DLG5: variants seen among roughly 807,000 people sequenced by gnomAD.
DLG5 encodes the protein disks large homolog 5.
A neutral mutation model predicts 189.8 loss-of-function variants in DLG5; 48 were observed. That is an observed-to-expected ratio of 0.25 (90% CI 0.20 to 0.32). The LOEUF (loss-of-function observed/expected upper bound fraction) is 0.32. Ranked by LOEUF, DLG5 falls within the 10% of genes least tolerant of loss-of-function variation. The pLI is 1.00. For synonymous variants in DLG5, 1,016 were observed against 1,054.1 expected, an observed-to-expected ratio of 0.96 and a Z score of 0.70; for missense variants, 2,160 against 2,544.7, an observed-to-expected ratio of 0.85 and a Z score of 3.25.
intron 1 of DLG5, among the ~76,000 whole-genome samples, chr10:77,895,894 A>G (rs1194213960): frequency 6.6e-6 from 1 of 152,214 alleles, no homozygotes; most frequent in Non-Finnish European, 1.5e-5. Flanking sequence ...GTTATTTGAC[A>G]TAAAACAGAG....
In DLG5 at chr10:77,825,719, C is replaced by A. The variant is rs182166307; in HGVS notation, c.2290-1243G>T. On this transcript the variant is annotated intron_variant, in intron 13 of 31. Coordinates refer to ENST00000372391, the MANE Select transcript of DLG5 (RefSeq NM_004747.4). ...TACAGATGTATGCCTCCATGCCCGG[C>A]TAATATTTTTGTATTTTAGTAGAGA... Among the ~76,000 whole-genome samples, 4 of 152,050 alleles carry A rather than the reference C, an allele frequency of 2.6e-5. No homozygotes were observed. In the East Asian group the frequency reaches 7.8e-4, roughly 29 times the overall value.
the DLG5 span, among the ~76,000 whole-genome samples, chr10:77,938,746 G>A: frequency 6.6e-6 from 1 of 152,194 alleles, no homozygotes; most frequent in African/African-American, 2.4e-5. Flanking sequence ...AGCATCATGA[G>A]CAGCTCCATC....
Position 77,857,512 on chromosome 10 carries a change from A to C in DLG5, c.374-620T>G, listed in dbSNP as rs946231642. ...GCTAAGAGGAGGGCTGCTGGCTCCC[A>C]GCTGAGGTCAGTGTGACGCAATTCA... On this transcript the variant is annotated intron_variant, in intron 2 of 31. Transcript: ENST00000372391. 3.3e-5 allele frequency among the ~76,000 whole-genome samples: 5 copies of C among 152,210 alleles called. No homozygotes were observed. In the South Asian group the frequency reaches 8.3e-4, roughly 25 times the overall value.
At chr10:77,927,653 T>C (rs1564602975), upstream of DLG5, 1 of 152,194 alleles carries the variant, frequency 6.6e-6, no homozygotes, top group Non-Finnish European at 1.5e-5. Context: ...CCTTGGTCTT[T>C]CTGGCAAGTG....
chr10:77,850,588 T>C (rs1435267912), intron 5 of DLG5, among the ~76,000 whole-genome samples: 2 of 152,182 alleles, frequency 1.3e-5, no homozygotes, highest in African/African-American at 2.4e-5. Flanking sequence ...GTTTAGTTTT[T>C]TGAGGAATCA....
chr10:77,917,823 T>TC (rs1296240908), intron 1 of DLG5, among the ~76,000 whole-genome samples: 4 of 151,430 alleles, frequency 2.6e-5, no homozygotes, highest in Non-Finnish European at 5.9e-5. Context: ...GGTACGGAGT[T>TC]CGAGACCAGC....
intron 9 of DLG5, among the ~76,000 whole-genome samples, chr10:77,832,516 C>G (rs944722620): frequency 1.3e-5 from 2 of 152,212 alleles, no homozygotes; most frequent in African/African-American, 4.8e-5. Context: ...CCAACACTGC[C>G]CCAGCCCCTC....
At chr10:77,891,624 A>G (rs1845612202) in intron 1 of DLG5, among the ~76,000 whole-genome samples, 1 of 151,212 alleles carries the variant, frequency 6.6e-6, no homozygotes, top group Non-Finnish European at 1.5e-5. Flanking sequence ...ACGAGAAGAA[A>G]GCAACAATTC....
Position 77,822,086 on chromosome 10 carries a change from A to C in DLG5, c.2398T>G (p.Ser800Ala). Residue 800 changes from serine to alanine, a missense_variant, in exon 15 of 32, where the codon TCC becomes GCC. Around this residue, in one of 5 missense-constraint regions of DLG5, gnomAD observed 754 missense variants for 746.5 expected, o/e 1.01. Coordinates refer to ENST00000372391, the MANE Select transcript of DLG5 (RefSeq NM_004747.4). Reference sequence around the variant, plus strand: ...AAAATGTTCTGGCCACTCCACGAGGAGCTCTGAGGGAATACCTAGGCAGGG... The same window carrying C: ...AAAATGTTCTGGCCACTCCACGAGGCGCTCTGAGGGAATACCTAGGCAGGG... ...LSLLKVFPQS[S>A]SWSGQNIFEN... The C allele has an allele frequency of 6.2e-7, 1 of 1,612,870 alleles. No individual in the cohort carries two copies. The highest frequency in any genetic ancestry group is 8.5e-7 in the Non-Finnish European group (1 of 1,179,274).
Position 77,794,064 on chromosome 10 carries a change from T to C in DLG5, c.5600A>G (p.Lys1867Arg). ...LRDKVTQRHS[K>R]EQFEAAQKLE... Reference sequence around the variant, plus strand: ...CTTCTGCGCCGCCTCAAACTGCTCTTTGGAATGCCTCTGAGTCACCTTGTC... The same window carrying C: ...CTTCTGCGCCGCCTCAAACTGCTCTCTGGAATGCCTCTGAGTCACCTTGTC... The change falls in exon 31 of 32, where the codon AAA becomes AGA. Residue 1867 changes from lysine to arginine, a missense_variant. Transcript: ENST00000372391. The C allele has an allele frequency of 1.9e-6, 3 of 1,614,168 alleles. No individual in the cohort carries two copies. Among genetic ancestry groups the C allele is most frequent in the Non-Finnish European group, 2.5e-6 (3 of 1,180,014 alleles).
At chr10:77,919,964 C>G (rs1321522415) in intron 1 of DLG5, among the ~76,000 whole-genome samples, 1 of 152,332 alleles carries the variant, frequency 6.6e-6, no homozygotes, top group African/African-American at 2.4e-5. Flanking sequence ...TCACTCTACA[C>G]ACAGCTGACT....
chr10:77,914,390 C>T (rs748850190), intron 1 of DLG5, among the ~76,000 whole-genome samples: 49 of 152,094 alleles, frequency 3.2e-4, no homozygotes, highest in Non-Finnish European at 6.5e-4. Flanking sequence ...CAGCAGCTTG[C>T]TCCTGTCTCA....
rs375600626 is a variant in DLG5, at chr10:77,821,757, G to C, written c.2727C>G (p.Asp909Glu). The C allele has an allele frequency of 6.2e-7, 1 of 1,609,238 alleles. No individual in the cohort carries two copies. The highest frequency in any genetic ancestry group is 1.1e-5 in the South Asian group (1 of 90,740). The change falls in exon 15 of 32, where the codon GAC becomes GAG. Residue 909 changes from aspartate to glutamate, a missense_variant. By Grantham distance (45) the Asp-to-Glu change is conservative. Transcript: ENST00000372391. ...GCAGCAGTGGCCGCCGGCCACGCACGTCCACCAGCCCAAAGCCACGGTCCC... is the reference window on the plus strand; with the variant it reads ...GCAGCAGTGGCCGCCGGCCACGCACCTCCACCAGCCCAAAGCCACGGTCCC... ...ASGDRGFGLV[D>E]VRGRRPLLPF...
chr10:77,794,823 C>T (rs200468031), intron 30 of DLG5, 26 bp downstream of exon 30: 82 of 1,585,674 alleles, frequency 5.2e-5, no homozygotes, highest in South Asian at 2.9e-4. Flanking sequence ...AAGGCCCCAG[C>T]GGAGCCCAGG....
At chr10:77,923,773 C>G (rs1361480282) in intron 1 of DLG5, among the ~76,000 whole-genome samples, 2 of 152,186 alleles carry the variant, frequency 1.3e-5, no homozygotes, top group African/African-American at 2.4e-5. Flanking sequence ...AACAAAAGCC[C>G]CCAACACGCC....
At chr10:77,846,330 A>G (rs955260703) in intron 5 of DLG5, among the ~76,000 whole-genome samples, 4 of 152,238 alleles carry the variant, frequency 2.6e-5, no homozygotes, top group Non-Finnish European at 4.4e-5. Context: ...AACGCCTTCT[A>G]CCCACATCTG....
At chr10:77,826,993 GAGTAT>G (rs1443105323) in intron 13 of DLG5, among the ~76,000 whole-genome samples, 1 of 152,126 alleles carries the variant, frequency 6.6e-6, no homozygotes, top group Non-Finnish European at 1.5e-5. Flanking sequence ...ATGAGCAACT[GAGTAT>G]ATTATAATCC....
chr10:77,811,202 G>A lies in DLG5; in HGVS notation c.4355C>T (p.Thr1452Ile). 1.9e-6 allele frequency: 3 copies of A among 1,613,410 alleles called. No homozygotes were observed. The highest frequency in any genetic ancestry group is 2.5e-6 in the Non-Finnish European group (3 of 1,179,930). Residue 1452 changes from threonine (T) to isoleucine (I), a missense_variant, in exon 23 of 32, where the codon ACT becomes ATT. This residue lies in a region of DLG5 where 574 missense variants were observed against 644.2 expected (regional missense o/e 0.89). Coordinates refer to ENST00000372391, the MANE Select transcript of DLG5 (RefSeq NM_004747.4). The part of the protein sequence containing the change: ...SHLDPAGTHS[T>I]LQGSGTTTPE... ...GGTGGTGGTGCCACTGCCCTGGAGA[G>A]TGGAGTGGGTACCGGCAGGGTCCAG...
intron 8 of DLG5, among the ~76,000 whole-genome samples, chr10:77,835,528 G>T (rs796302024): frequency 6.6e-6 from 1 of 152,216 alleles, no homozygotes; most frequent in Admixed American, 6.5e-5. Flanking sequence ...GACACCTAGG[G>T]CTGAGTGAGA....
Sources: allele counts gnomAD v4.1 joint callset (sites outside exome capture counted in the v4.1 genomes callset), GRCh38; gene constraint gnomAD v4.1.1; regional missense constraint gnomAD v4.1.1; transcripts MANE v1.5; gene names NCBI Gene and HGNC (gene_info 2026-07-23, HGNC 2026-07-21).